CAB39: variants seen among roughly 807,000 people sequenced by gnomAD.
The protein encoded by CAB39 is calcium-binding protein 39.
In CAB39, 8 loss-of-function variants were observed where a neutral mutation model predicts 40.0. The ratio of observed to expected loss-of-function variants is 0.20; its 90% CI spans 0.12 to 0.36. The LOEUF (loss-of-function observed/expected upper bound fraction) is 0.36. CAB39 is among the 10% of genes least tolerant of loss of function. The pLI is 1.00. For missense variants in CAB39, 270 were observed against 401.1 expected (o/e 0.67, Z 2.79); for synonymous variants, 156 against 141.6 (o/e 1.10, Z -0.72).
chr2:230,817,714 A>T, intron 7 of CAB39, 40 bp from the exon 8 acceptor site: 1 of 1,488,098 alleles, frequency 6.7e-7, no homozygotes, highest in Non-Finnish European at 9.1e-7. Flanking sequence ...ATTTTTCTTT[A>T]AGTTTTAATA....
chr2:230,808,109 G>A (rs369457237), intron 5 of CAB39, among the ~76,000 whole-genome samples: 20 of 147,814 alleles, frequency 1.4e-4, no homozygotes, highest in African/African-American at 4.5e-4. Context: ...TTTTTGAGGT[G>A]AAGTTTCACT....
chr2:230,757,644 T>C (rs1316408213), intron 1 of CAB39, among the ~76,000 whole-genome samples: 2 of 152,198 alleles, frequency 1.3e-5, no homozygotes, highest in African/African-American at 2.4e-5. Flanking sequence ...GCTGAAAATA[T>C]CTCTGTTGCA....
intron 5 of CAB39, among the ~76,000 whole-genome samples, chr2:230,808,749 C>T (rs1696249709): frequency 6.6e-6 from 1 of 152,166 alleles, no homozygotes; most frequent in Non-Finnish European, 1.5e-5. Flanking sequence ...ATACCCTATC[C>T]AGCAGTTTGA....
At chr2:230,724,982 A>T (rs1037465134) in intron 1 of CAB39, among the ~76,000 whole-genome samples, 12 of 152,230 alleles carry the variant, frequency 7.9e-5, no homozygotes, top group Middle Eastern at 3.4e-3. Flanking sequence ...TCCAAAAAAA[A>T]GTTGAAATGG....
rs573890971 is a variant in CAB39 at position 230,815,882 on chromosome 2, TCTTTTTCG to T, written c.693+1769_693+1776del. On this transcript the variant is annotated intron_variant, in intron 7 of 8. Coordinates refer to ENST00000258418, the MANE Select transcript of CAB39 (RefSeq NM_016289.4). ...TAAAGATGGATTTTAATTTGTACTC[TCTTTTTCG>T]TAGCCACATTGGCATTTATTTATTC... is the stretch of plus-strand genomic sequence containing the variant. 1.7e-3 allele frequency among the ~76,000 whole-genome samples: 253 copies of T among 152,354 alleles called. 1 individual carries two copies. Among genetic ancestry groups the T allele is most frequent in the South Asian group, 0.013 (62 of 4,826 alleles).
At chr2:230,789,785 C>T (rs1559611755) in intron 2 of CAB39, among the ~76,000 whole-genome samples, 1 of 152,214 alleles carries the variant, frequency 6.6e-6, no homozygotes, top group African/African-American at 2.4e-5. Context: ...GTTGCCAGGT[C>T]TGCCTCTTCA....
At chr2:230,740,451 G>C (rs552017274) in intron 1 of CAB39, among the ~76,000 whole-genome samples, 1 of 152,152 alleles carries the variant, frequency 6.6e-6, no homozygotes, top group South Asian at 2.1e-4. Context: ...AGGAATAATT[G>C]TTCAGTCCTG....
intron 5 of CAB39, among the ~76,000 whole-genome samples, chr2:230,804,400 G>A (rs1301986453): frequency 2.6e-5 from 4 of 152,076 alleles, no homozygotes; most frequent in Non-Finnish European, 5.9e-5. Flanking sequence ...ATAGATAAAT[G>A]GGATCTAAAT....
At chr2:230,799,991 CAAA>C (rs60654900) in intron 5 of CAB39, among the ~76,000 whole-genome samples, 2 of 133,602 alleles carry the variant, frequency 1.5e-5, no homozygotes, top group Non-Finnish European at 1.6e-5. Context: ...AACTCCATCT[CAAA>C]AAAAAAAAAA....
chr2:230,791,836 G>C (rs1695897803), intron 3 of CAB39, among the ~76,000 whole-genome samples: 1 of 152,214 alleles, frequency 6.6e-6, no homozygotes, highest in Admixed American at 6.5e-5. Context: ...AATGATCCTG[G>C]ATACCATCTG....
chr2:230,747,687 T>A lies in CAB39; in HGVS notation c.-43-12272T>A, dbSNP rs577724586. On this transcript the variant is annotated intron_variant, in intron 1 of 8. Transcript: ENST00000258418. ...TTATATAGTTCACCTTCCAGTGATT[T>A]GAGACATACCAGTTCTTCAAATAGA... 5.1e-4 allele frequency among the ~76,000 whole-genome samples: 77 copies of A among 152,384 alleles called. 1 individual carries two copies. Among genetic ancestry groups the A allele is most frequent in the African/African-American group, 1.7e-3 (69 of 41,594 alleles).
At chr2:230,779,496 TTTC>T (rs1695651143) in intron 2 of CAB39, 1 of 152,242 alleles carries the variant, frequency 6.6e-6, no homozygotes, top group African/African-American at 2.4e-5. Flanking sequence ...CTCTTATGCC[TTTC>T]TTCTTGACCA....
intron 1 of CAB39, among the ~76,000 whole-genome samples, chr2:230,724,722 A>G (rs1482523556): frequency 6.9e-6 from 1 of 145,422 alleles, no homozygotes; most frequent in Non-Finnish European, 1.5e-5. Context: ...AAAAAAAAAA[A>G]CCTCTATGAG....
At chr2:230,742,219 G>T (rs1694890777) in intron 1 of CAB39, among the ~76,000 whole-genome samples, 1 of 152,118 alleles carries the variant, frequency 6.6e-6, no homozygotes, top group South Asian at 2.1e-4. Flanking sequence ...CTGTCGCCCA[G>T]GCTGGAGTGC....
chr2:230,808,825 T>C (rs1013192545), intron 5 of CAB39, among the ~76,000 whole-genome samples: 8 of 152,246 alleles, frequency 5.3e-5, no homozygotes, highest in African/African-American at 1.9e-4. Flanking sequence ...GATTGCTGAA[T>C]GTGATGTTTT....
At chr2:230,813,978 C>CTTGT in intron 6 of CAB39, 71 bp from the exon 7 acceptor site, 1 of 111,338 alleles carries the variant, frequency 9.0e-6, no homozygotes, top group Non-Finnish European at 1.5e-5. Flanking sequence ...ACCTACCAGT[C>CTTGT]TTTTTTTTTT....
chr2:230,720,583 G>A (rs1056317320), intron 1 of CAB39, among the ~76,000 whole-genome samples: 16 of 152,074 alleles, frequency 1.1e-4, no homozygotes, highest in Admixed American at 3.3e-4. Flanking sequence ...TTACAGGTGC[G>A]CGCCACCATG....
At chr2:230,774,505 C>CA (rs1283292105) in intron 2 of CAB39, among the ~76,000 whole-genome samples, 4 of 152,104 alleles carry the variant, frequency 2.6e-5, no homozygotes, top group African/African-American at 9.7e-5. Context: ...CTTTCACTGC[C>CA]AACAACCAAA....
At chr2:230,760,526 G>T (rs1468452170) in intron 2 of CAB39, among the ~76,000 whole-genome samples, 1 of 152,144 alleles carries the variant, frequency 6.6e-6, no homozygotes, top group Non-Finnish European at 1.5e-5. Context: ...TGGTTTGTTT[G>T]TAAAAGTTTT....
Sources: allele counts gnomAD v4.1 joint callset (sites outside exome capture counted in the v4.1 genomes callset), GRCh38; gene constraint gnomAD v4.1.1; transcripts MANE v1.5; gene names NCBI Gene and HGNC (gene_info 2026-07-23, HGNC 2026-07-21).